The following AGTPBP1 variants were observed in gnomAD, a reference collection of about 807,000 sequenced individuals.
AGTPBP1 encodes the protein cytosolic carboxypeptidase 1.
A neutral mutation model predicts 143.9 loss-of-function variants in AGTPBP1; 70 were observed. That is an observed-to-expected ratio of 0.49 (90% CI 0.40 to 0.59). The LOEUF is 0.59. Among genes scored for constraint, AGTPBP1 ranks in the 20% least tolerant of loss-of-function variants. The pLI, the probability that AGTPBP1 is intolerant of heterozygous loss-of-function variation, is 0.00. For missense variants in AGTPBP1, 1,229 were observed against 1,464.5 expected (o/e 0.84, Z 2.62); for synonymous variants, 463 against 500.2 (o/e 0.93, Z 0.99).
the AGTPBP1 span, among the ~76,000 whole-genome samples, chr9:85,752,458 C>A: frequency 1.3e-5 from 2 of 152,124 alleles, no homozygotes; most frequent in South Asian, 4.1e-4. Context: ...CTCAGAAAGG[C>A]AGAAGAGAAT....
chr9:85,744,223 C>A (rs1824557046), upstream of AGTPBP1, among the ~76,000 whole-genome samples: 3 of 152,104 alleles, frequency 2.0e-5, no homozygotes, highest in Admixed American at 1.3e-4. Flanking sequence ...TAATACCACA[C>A]CCACCTCAAT....
intron 11 of AGTPBP1, among the ~76,000 whole-genome samples, chr9:85,651,664 T>C (rs1049647547): frequency 3.9e-4 from 60 of 152,224 alleles, no homozygotes; most frequent in African/African-American, 1.4e-3. Flanking sequence ...CTGGATAATA[T>C]ACTTCTGTAC....
chr9:85,620,547 T>G (rs62566935), intron 15 of AGTPBP1, among the ~76,000 whole-genome samples: 2,469 of 152,228 alleles, frequency 0.016, 28 homozygotes, highest in Middle Eastern at 0.054. Context: ...ATTTCTCATA[T>G]GAGAAGGCAG....
the AGTPBP1 span, among the ~76,000 whole-genome samples, chr9:85,761,306 A>AC: frequency 1.3e-5 from 2 of 152,204 alleles, no homozygotes; most frequent in Non-Finnish European, 2.9e-5. Context: ...GAAAGAGCCC[A>AC]CATTGCCAAG....
At chr9:85,689,925 A>AATATATATATATATATATATATAT (rs1554726691) in intron 3 of AGTPBP1, among the ~76,000 whole-genome samples, 5 of 72,508 alleles carry the variant, frequency 6.9e-5, no homozygotes, top group African/African-American at 2.1e-4. Context: ...AAAAAAAAAA[A>AATATATATATATATATATATATAT]ATATATATAT....
chr9:85,792,589 A>G, the AGTPBP1 span, among the ~76,000 whole-genome samples: 1 of 152,252 alleles, frequency 6.6e-6, no homozygotes, highest in Non-Finnish European at 1.5e-5. Context: ...AATAGAGTAC[A>G]TTAAATGATA....
chr9:85,572,681 A>G (rs1827584938), intron 25 of AGTPBP1, among the ~76,000 whole-genome samples: 1 of 152,206 alleles, frequency 6.6e-6, no homozygotes, highest in South Asian at 2.1e-4. Flanking sequence ...GTATATCTAA[A>G]GCACCAGTAA....
chr9:85,716,909 G>A (rs1454583217), intron 1 of AGTPBP1, among the ~76,000 whole-genome samples: 1 of 152,130 alleles, frequency 6.6e-6, no homozygotes, highest in Non-Finnish European at 1.5e-5. Context: ...ACTTTTCTCA[G>A]TCACTCTGCT....
intron 18 of AGTPBP1, among the ~76,000 whole-genome samples, chr9:85,596,114 ACTCT>A (rs984432924): frequency 6.6e-6 from 1 of 152,078 alleles, no homozygotes; most frequent in Non-Finnish European, 1.5e-5. Flanking sequence ...AGGACACATA[ACTCT>A]CTAAGTGGTG....
intron 1 of AGTPBP1, among the ~76,000 whole-genome samples, chr9:85,731,142 C>T (rs1054335481): frequency 6.6e-6 from 1 of 152,176 alleles, no homozygotes; most frequent in African/African-American, 2.4e-5. Flanking sequence ...ACTAATCATG[C>T]ATAGCCAGGG....
Position 85,558,228 on chromosome 9 carries a change from G to C in AGTPBP1, c.3504-10942C>G, listed in dbSNP as rs75802581. Among the ~76,000 whole-genome samples the C allele has an allele frequency of 3.9e-3, 599 of 152,286 alleles. 11 individuals are homozygous for C. The highest frequency in any genetic ancestry group is 0.014 in the African/African-American group (566 of 41,534). ...AAAGCATGCTAAGTGAATGAAATCA[G>C]ACACATGAAGGTCACATATTGTATG... On this transcript the variant is annotated intron_variant, in intron 25 of 25. Coordinates refer to ENST00000357081, the MANE Select transcript of AGTPBP1 (RefSeq NM_001330701.2).
intron 25 of AGTPBP1, among the ~76,000 whole-genome samples, chr9:85,550,952 G>A (rs1212433050): frequency 6.6e-6 from 1 of 152,148 alleles, no homozygotes; most frequent in Non-Finnish European, 1.5e-5. Context: ...CAGAGGTGGG[G>A]CCTGGTGGGA....
Position 85,655,274 on chromosome 9 carries a change from C to A in AGTPBP1, c.956G>T (p.Ser319Ile). The A allele has an allele frequency of 1.3e-6, 2 of 1,571,040 alleles. No homozygotes were observed. The highest frequency in any genetic ancestry group is 1.7e-6 in the Non-Finnish European group (2 of 1,157,616). Residue 319 changes from serine to isoleucine, a missense_variant, in exon 11 of 26, where the codon AGT becomes ATT. Ser to Ile is a moderately radical substitution (Grantham distance 142). This residue lies in a region of AGTPBP1 where 743 missense variants were observed against 812.2 expected (regional missense o/e 0.91). Transcript: ENST00000357081. ...TGGGAAACACTTCCTCATTATCAGA[C>A]TGGAGGTATTGACAAGAGGATCCAG... ...RTLDPLVNTS[S>I]LIMRKCFPKN...
chr9:85,602,499 T>C (rs1001043014), intron 17 of AGTPBP1, among the ~76,000 whole-genome samples: 13 of 152,148 alleles, frequency 8.5e-5, no homozygotes, highest in African/African-American at 2.7e-4. Flanking sequence ...ACATGACATA[T>C]GGCACACCAT....
In AGTPBP1 at chr9:85,741,868, G is replaced by A. The variant is rs775809283; in HGVS notation, c.-127C>T. ...GCGGATCCCTCGCCGCCCGCCGCCC[G>A]GTGTTTTCATACAAACCCCGGTGGC... On this transcript the variant is annotated 5_prime_UTR_variant, in exon 1 of 26. Coordinates refer to ENST00000357081, the MANE Select transcript of AGTPBP1 (RefSeq NM_001330701.2). 54 of 1,395,776 alleles carry A rather than the reference G, an allele frequency of 3.9e-5. No homozygotes were observed. The highest frequency in any genetic ancestry group is 2.6e-4 in the Middle Eastern group (1 of 3,838). 86.5% of individuals were successfully genotyped at this position (1,395,776 alleles called of 1,614,324 possible). A position where few individuals can be genotyped will look rare whatever the true frequency, so the allele number is the denominator to read the frequency against.
At chr9:85,676,029 T>A (rs564860192) in intron 6 of AGTPBP1, among the ~76,000 whole-genome samples, 2,506 of 150,612 alleles carry the variant, frequency 0.017, 24 homozygotes, top group Middle Eastern at 0.054. Context: ...GTCTCAAAAA[T>A]AAAAAAAAAC....
chr9:85,710,099 T>C (rs1837272038), intron 2 of AGTPBP1, among the ~76,000 whole-genome samples: 1 of 152,142 alleles, frequency 6.6e-6, no homozygotes, highest in Admixed American at 6.5e-5. Flanking sequence ...ACTGGTTAAG[T>C]CGCCATACTG....
the AGTPBP1 span, among the ~76,000 whole-genome samples, chr9:85,788,972 T>C: frequency 3.9e-5 from 6 of 152,090 alleles, no homozygotes; most frequent in Admixed American, 3.9e-4. Context: ...ATTCTGATAC[T>C]GGAATCCTAC....
chr9:85,647,504 G>A (rs1449018096), intron 11 of AGTPBP1, among the ~76,000 whole-genome samples: 1 of 152,156 alleles, frequency 6.6e-6, no homozygotes, highest in East Asian at 1.9e-4. Context: ...AATGAGGAAT[G>A]AGGTGGCTCA....
Sources: gnomAD v4.1 joint callset for allele counts (sites outside exome capture counted in the v4.1 genomes callset) on GRCh38, gnomAD v4.1.1 for gene constraint, gnomAD v4.1.1 regional missense constraint, MANE v1.5 for transcripts, NCBI Gene and HGNC (gene_info 2026-07-23, HGNC 2026-07-21) for gene names.